Variants in FNDC3A observed in about 807,000 individuals in gnomAD.
FNDC3A encodes the protein fibronectin type-III domain-containing protein 3A.
A neutral mutation model predicts 148.9 loss-of-function variants in FNDC3A; 32 were observed. The ratio of observed to expected loss-of-function variants is 0.21; its 90% CI spans 0.16 to 0.29. The LOEUF is 0.29. FNDC3A is among the 10% of genes least tolerant of loss of function. The pLI, the probability that FNDC3A is intolerant of heterozygous loss-of-function variation, is 1.00. For missense variants in FNDC3A, 1,191 were observed against 1,452.8 expected (o/e 0.82, Z 2.93); for synonymous variants, 472 against 473.6 (o/e 1.00, Z 0.04).
chr13:49,178,566 A>G lies in FNDC3A; in HGVS notation c.1531-2A>G. On this transcript the variant is annotated splice_acceptor_variant, in intron 13 of 25. Transcript: ENST00000492622. LOFTEE classifies it high-confidence loss of function. ...TGAAGACTTTGTTTTTTCCTTTTCC[A>G]GGGATATGGTTTTAAGCCTAAATAT... The G allele has an allele frequency of 1.3e-6, 2 of 1,578,636 alleles. No individual in the cohort carries two copies. The highest frequency in any genetic ancestry group is 8.7e-7 in the Non-Finnish European group (1 of 1,156,050).
intron 3 of FNDC3A, among the ~76,000 whole-genome samples, chr13:49,111,016 T>C (rs974989427): frequency 6.6e-6 from 1 of 152,116 alleles, no homozygotes; most frequent in Non-Finnish European, 1.5e-5. Flanking sequence ...TCAAATCACA[T>C]AGATTATAAA....
chr13:48,977,482 G>T (rs1458037870), intron 1 of FNDC3A, among the ~76,000 whole-genome samples: 2 of 152,152 alleles, frequency 1.3e-5, no homozygotes, highest in Non-Finnish European at 2.9e-5. Context: ...TTTAGTTTTT[G>T]CGTATTTACT....
intron 2 of FNDC3A, among the ~76,000 whole-genome samples, chr13:49,011,683 G>C (rs1952349408): frequency 6.6e-6 from 1 of 151,992 alleles, no homozygotes; most frequent in African/African-American, 2.4e-5. Context: ...TATAGTCCCA[G>C]CTACTCAGGA....
At chr13:49,026,893 G>A (rs980616307) in intron 2 of FNDC3A, among the ~76,000 whole-genome samples, 9 of 152,180 alleles carry the variant, frequency 5.9e-5, no homozygotes, top group Admixed American at 2.6e-4. Context: ...TAACTATATA[G>A]TTAAATGCAA....
At position 49,117,088 on chromosome 13, in the gene FNDC3A, C is replaced by T. The variant is rs181038579; in HGVS notation, c.252+2357C>T. Among the ~76,000 whole-genome samples, 1,013 of 152,220 alleles carry T rather than the reference C, an allele frequency of 6.7e-3. 11 individuals carry two copies. Among genetic ancestry groups the T allele is most frequent in the African/African-American group, 0.023 (963 of 41,510 alleles). On this transcript the variant is annotated intron_variant, in intron 4 of 25. Transcript: ENST00000492622. ...ATCATATAAGACTCTTACTTATCTT[C>T]ATATCCTCAATGCCAAGTATATAGC...
At chr13:49,068,952 G>C (rs1010414062) in intron 2 of FNDC3A, among the ~76,000 whole-genome samples, 1 of 151,980 alleles carries the variant, frequency 6.6e-6, no homozygotes, top group Non-Finnish European at 1.5e-5. Context: ...TAACTATTGG[G>C]TACTAGATTT....
chr13:49,045,807 T>A (rs1444448896), intron 2 of FNDC3A: 1 of 441,642 alleles, frequency 2.3e-6, no homozygotes, highest in Non-Finnish European at 4.1e-6. Flanking sequence ...TTTTTTTTTT[T>A]TTCGTTGTCA....
In FNDC3A at chr13:49,111,532, C is replaced by T. The variant is rs576049452; in HGVS notation, c.176-3123C>T. Among the ~76,000 whole-genome samples the T allele has an allele frequency of 3.3e-5, 5 of 152,108 alleles. No homozygotes were observed. In the South Asian group the frequency reaches 8.3e-4, roughly 25 times the overall value. On this transcript the variant is annotated intron_variant, in intron 3 of 25. Transcript: ENST00000492622. ...CCTGAGGTTAGGAGTTCAAGACCAG[C>T]CTGGCCAACATGGTGAAACCCCGTC...
intron 4 of FNDC3A, among the ~76,000 whole-genome samples, chr13:49,117,468 G>A (rs957820643): frequency 6.6e-6 from 1 of 151,834 alleles, no homozygotes; most frequent in Admixed American, 6.6e-5. Flanking sequence ...CCATCCTTGA[G>A]GGCCTACCTA....
intron 24 of FNDC3A, among the ~76,000 whole-genome samples, chr13:49,202,682 G>A (rs180822694): frequency 1.9e-3 from 289 of 152,260 alleles, no homozygotes; most frequent in African/African-American, 6.7e-3. Flanking sequence ...TGCTCATCAA[G>A]TTTAGTGTCT....
intron 23 of FNDC3A, among the ~76,000 whole-genome samples, chr13:49,198,775 T>A (rs1391761440): frequency 6.6e-6 from 1 of 152,104 alleles, no homozygotes; most frequent in Non-Finnish European, 1.5e-5. Context: ...CTAAAAAAAA[T>A]TTATTTTAAT....
intron 2 of FNDC3A, chr13:49,046,927 T>C (rs990735713): frequency 6.6e-6 from 1 of 152,142 alleles, no homozygotes; most frequent in African/African-American, 2.4e-5. Context: ...TTAATGGTAA[T>C]TTCTAAGATT....
At chr13:49,159,571 C>T (rs957300256) in intron 8 of FNDC3A, among the ~76,000 whole-genome samples, 6 of 152,184 alleles carry the variant, frequency 3.9e-5, no homozygotes, top group Non-Finnish European at 7.3e-5. Context: ...CAGACAGGGA[C>T]AATTTGACTT....
intron 14 of FNDC3A, among the ~76,000 whole-genome samples, chr13:49,179,098 T>C (rs1254600011): frequency 6.6e-6 from 1 of 152,232 alleles, no homozygotes; most frequent in Non-Finnish European, 1.5e-5. Flanking sequence ...AATGTTGACC[T>C]TTTCTAGTGA....
chr13:49,153,042 G>T (rs1883416016), intron 8 of FNDC3A, among the ~76,000 whole-genome samples: 1 of 151,726 alleles, frequency 6.6e-6, no homozygotes. Context: ...CCAGTAATGG[G>T]ATGGCTGGGT....
intron 8 of FNDC3A, among the ~76,000 whole-genome samples, chr13:49,152,407 C>G (rs896708813): frequency 3.9e-5 from 6 of 152,028 alleles, no homozygotes; most frequent in African/African-American, 1.5e-4. Context: ...CCTTCGCCCA[C>G]TTTTTCATGG....
intron 1 of FNDC3A, among the ~76,000 whole-genome samples, chr13:49,005,763 T>A (rs1368374791): frequency 2.0e-5 from 3 of 151,874 alleles, no homozygotes; most frequent in Non-Finnish European, 4.4e-5. Flanking sequence ...AGAAAAAAAT[T>A]AGTGACAGTT....
intron 2 of FNDC3A, among the ~76,000 whole-genome samples, chr13:49,017,853 A>G (rs1872937483): frequency 1.3e-5 from 2 of 150,890 alleles, no homozygotes; most frequent in South Asian, 4.2e-4. Context: ...TTTCTCCTTC[A>G]CTTACGAAGC....
intron 4 of FNDC3A, among the ~76,000 whole-genome samples, chr13:49,123,863 G>A (rs1254060228): frequency 6.6e-6 from 1 of 152,190 alleles, no homozygotes; most frequent in African/African-American, 2.4e-5. Context: ...CTGGAGAGAT[G>A]TGGAGAAATA....
Sources: allele counts gnomAD v4.1 joint callset (sites outside exome capture counted in the v4.1 genomes callset), GRCh38; gene constraint gnomAD v4.1.1; transcripts MANE v1.5; gene names NCBI Gene and HGNC (gene_info 2026-07-23, HGNC 2026-07-21).